The following FRMPD4 variants were observed in gnomAD, a reference collection of about 807,000 sequenced individuals.
FRMPD4 encodes FERM and PDZ domain containing 4.
FRMPD4 carries 22 observed loss-of-function variants against 94.1 expected under a neutral mutation model. The observed-to-expected ratio is 0.23, with a 90% CI of 0.17 to 0.33. FRMPD4 has a LOEUF of 0.33. Among genes scored for constraint, FRMPD4 ranks in the 10% least tolerant of loss-of-function variants. The pLI, the probability that FRMPD4 is intolerant of heterozygous loss-of-function variation, is 1.00. For synonymous variants in FRMPD4, 631 were observed against 548.6 expected, an observed-to-expected ratio of 1.15 and a Z score of -2.10; for missense variants, 1,111 against 1,339.9, an observed-to-expected ratio of 0.83 and a Z score of 2.67.
chrX:12,357,831 C>T (rs1025293543), intron 1 of FRMPD4, among the ~76,000 whole-genome samples: 7 of 111,498 alleles, frequency 6.3e-5, no homozygotes, highest in Admixed American at 9.5e-5. Context: ...GTAAATTTAC[C>T]GAGTTGTGCA....
At chrX:12,063,974 G>A (rs1391510051) in intron 3 of FRMPD4, among the ~76,000 whole-genome samples, 1 of 112,379 alleles carries the variant, frequency 8.9e-6, no homozygotes, top group African/African-American at 3.2e-5. Context: ...TCCACTCAGA[G>A]TATAATGTTG....
chrX:12,156,523 G>A (rs752706341), intron 1 of FRMPD4, among the ~76,000 whole-genome samples: 1 of 111,572 alleles, frequency 9.0e-6, no homozygotes, highest in Non-Finnish European at 1.9e-5. Flanking sequence ...TTGCCGTAAT[G>A]GGGAACAGCT....
intron 1 of FRMPD4, among the ~76,000 whole-genome samples, chrX:12,453,049 T>TA (rs1295952150): frequency 6.2e-5 from 7 of 112,182 alleles, no homozygotes; most frequent in Non-Finnish European, 1.1e-4. Flanking sequence ...AAAAATAAAA[T>TA]AAAAAACCAC....
intron 1 of FRMPD4, among the ~76,000 whole-genome samples, chrX:12,292,841 G>A (rs1433670252): frequency 1.8e-5 from 2 of 111,624 alleles, no homozygotes; most frequent in Admixed American, 1.9e-4. Flanking sequence ...ATATAACTGA[G>A]ATAACTGGGC....
chrX:12,573,226 G>A (rs1569343849), intron 2 of FRMPD4, among the ~76,000 whole-genome samples: 2 of 112,231 alleles, frequency 1.8e-5, no homozygotes, highest in African/African-American at 6.5e-5. Flanking sequence ...TTTTCAAAGA[G>A]AACACTGATC....
chrX:12,007,436 T>A (rs66486832), intron 3 of FRMPD4, among the ~76,000 whole-genome samples: 6,491 of 111,542 alleles, frequency 0.058, 503 homozygotes, highest in African/African-American at 0.2. Flanking sequence ...AATAATAGCA[T>A]CTCTTTTTTC....
intron 1 of FRMPD4, among the ~76,000 whole-genome samples, chrX:11,859,911 A>G (rs1423605017): frequency 2.7e-5 from 3 of 111,973 alleles, no homozygotes; most frequent in Non-Finnish European, 5.6e-5. Flanking sequence ...CACTCTGCCC[A>G]TGCCCTTTTC....
intron 4 of FRMPD4, among the ~76,000 whole-genome samples, chrX:12,665,258 C>T (rs781541867): frequency 9.9e-5 from 11 of 111,055 alleles, no homozygotes; most frequent in Non-Finnish European, 9.4e-5. Flanking sequence ...CTGGCTAACA[C>T]GAAGAAACCC....
intron 1 of FRMPD4, among the ~76,000 whole-genome samples, chrX:12,266,132 CAAAAAAAAAAAAAAAA>C (rs3990340): frequency 5.4e-4 from 14 of 25,771 alleles, no homozygotes; most frequent in African/African-American, 1.9e-3. Flanking sequence ...GACTCCGTCT[CAAAAAAAAAAAAAAAA>C]AAAAAAAAAA....
chrX:12,584,910 T>C (rs2058909237), intron 2 of FRMPD4, among the ~76,000 whole-genome samples: 1 of 112,097 alleles, frequency 8.9e-6, no homozygotes, highest in African/African-American at 3.2e-5. Context: ...TGGGTTTCTC[T>C]ATTTTTATTT....
At chrX:11,923,829 A>G (rs1417701549) in intron 3 of FRMPD4, among the ~76,000 whole-genome samples, 1 of 112,630 alleles carries the variant, frequency 8.9e-6, no homozygotes, top group Non-Finnish European at 1.9e-5. Context: ...AAAATGAGAA[A>G]GAATCAGCAC....
chrX:12,412,398 C>T (rs1320559706), intron 1 of FRMPD4, among the ~76,000 whole-genome samples: 1 of 112,147 alleles, frequency 8.9e-6, no homozygotes, highest in African/African-American at 3.2e-5. Context: ...ATCTGAGGTT[C>T]CCCCTTGGTA....
chrX:12,667,016 A>G (rs954544581), intron 4 of FRMPD4, among the ~76,000 whole-genome samples: 8 of 112,605 alleles, frequency 7.1e-5, no homozygotes, highest in Non-Finnish European at 1.1e-4. Context: ...ATGAAGTGAG[A>G]GTTCAACACT....
intron 2 of FRMPD4, among the ~76,000 whole-genome samples, chrX:12,535,386 G>C (rs1324732191): frequency 2.7e-5 from 3 of 111,930 alleles, no homozygotes; most frequent in African/African-American, 6.5e-5. Context: ...AAACCCCTGA[G>C]TGAGGAGATA....
intron 3 of FRMPD4, among the ~76,000 whole-genome samples, chrX:12,063,255 G>C (rs1042073489): frequency 1.2e-4 from 13 of 111,283 alleles, no homozygotes; most frequent in African/African-American, 3.6e-4. Flanking sequence ...TGTGGTCCCA[G>C]CTACTTGGAA....
intron 2 of FRMPD4, among the ~76,000 whole-genome samples, chrX:11,876,411 A>G (rs755625294): frequency 9.2e-6 from 1 of 108,783 alleles, no homozygotes; most frequent in African/African-American, 3.4e-5. Flanking sequence ...CCTGTGGTTG[A>G]TAACAGTTAC....
chrX:12,043,233 G>A (rs1295494211), intron 3 of FRMPD4, among the ~76,000 whole-genome samples: 2 of 111,584 alleles, frequency 1.8e-5, no homozygotes, highest in East Asian at 5.6e-4. Flanking sequence ...GAACCGTAAG[G>A]ATTTTAAAAT....
chrX:11,988,297 A>T (rs943496863), intron 3 of FRMPD4, among the ~76,000 whole-genome samples: 1 of 107,889 alleles, frequency 9.3e-6, no homozygotes, highest in Non-Finnish European at 1.9e-5. Flanking sequence ...ACCTACAGGG[A>T]ACTCATTTTC....
intron 3 of FRMPD4, among the ~76,000 whole-genome samples, chrX:11,931,788 C>T (rs897275545): frequency 8.9e-6 from 1 of 111,882 alleles, no homozygotes; most frequent in African/African-American, 3.3e-5. Context: ...TTGCCATTTT[C>T]CTTAAGCAGT....
Sources: gnomAD v4.1 joint callset for allele counts (sites outside exome capture counted in the v4.1 genomes callset) on GRCh38, gnomAD v4.1.1 for gene constraint, MANE v1.5 for transcripts, NCBI Gene and HGNC (gene_info 2026-07-23, HGNC 2026-07-21) for gene names.